Variants in ROBO2 observed in about 807,000 individuals in gnomAD.
ROBO2 encodes the protein roundabout homolog 2.
A neutral mutation model predicts 160.8 loss-of-function variants in ROBO2; 53 were observed. The ratio of observed to expected loss-of-function variants is 0.33; its 90% CI spans 0.26 to 0.41. ROBO2 has a LOEUF of 0.41. Among genes scored for constraint, ROBO2 ranks in the 10% least tolerant of loss-of-function variants. The probability of loss-of-function intolerance (pLI) is 1.00; values close to 1 mark genes in which losing one functional copy is unlikely to be tolerated. For synonymous variants in ROBO2, 664 were observed against 611.7 expected (o/e 1.09, Z -1.26); for missense variants, 1,577 against 1,722.4 (o/e 0.92, Z 1.49).
At chr3:77,648,863 T>A (rs2095430230) in exon 26 of ROBO2, 1 of 152,154 alleles carries the variant, frequency 6.6e-6, no homozygotes, top group African/African-American at 2.4e-5. Flanking sequence ...AATGGAGGCC[T>A]GCATAAGGAC....
chr3:77,233,982 T>C (rs1366006849), intron 2 of ROBO2, among the ~76,000 whole-genome samples: 2 of 152,218 alleles, frequency 1.3e-5, no homozygotes, highest in African/African-American at 2.4e-5. Flanking sequence ...TTGGGATTTA[T>C]AAATATTCCT....
At chr3:77,533,350 G>C (rs1342300265) in intron 6 of ROBO2, among the ~76,000 whole-genome samples, 1 of 152,112 alleles carries the variant, frequency 6.6e-6, no homozygotes, top group Non-Finnish European at 1.5e-5. Flanking sequence ...CACACAATGA[G>C]CAATTTAAAA....
chr3:76,834,153 TTCTC>T (rs1319855161), intron 2 of ROBO2, among the ~76,000 whole-genome samples: 2 of 132,740 alleles, frequency 1.5e-5, no homozygotes, highest in African/African-American at 5.6e-5. Context: ...CTTCCTTTCT[TTCTC>T]TCTCTTTCTT....
chr3:76,588,313 A>G (rs1031694497), intron 2 of ROBO2, among the ~76,000 whole-genome samples: 4 of 152,196 alleles, frequency 2.6e-5, no homozygotes, highest in African/African-American at 9.6e-5. Flanking sequence ...TGAAGAGAAG[A>G]ATCTATTAAA....
chr3:76,967,507 A>G (rs949667191), intron 2 of ROBO2, among the ~76,000 whole-genome samples: 37 of 126,990 alleles, frequency 2.9e-4, no homozygotes, highest in African/African-American at 9.2e-4. Flanking sequence ...GCACCTGGCC[A>G]GCTCTTTTTT....
At chr3:77,046,095 T>A (rs2064637865) in intron 1 of ROBO2, among the ~76,000 whole-genome samples, 1 of 152,226 alleles carries the variant, frequency 6.6e-6, no homozygotes, top group Admixed American at 6.5e-5. Flanking sequence ...TGTGAACATA[T>A]GTCTTCATTT....
chr3:77,126,699 T>G (rs188563757), intron 2 of ROBO2, among the ~76,000 whole-genome samples: 92 of 147,758 alleles, frequency 6.2e-4, no homozygotes, highest in Non-Finnish European at 1.1e-3. Flanking sequence ...TATGGGTGGA[T>G]ATATATATAT....
chr3:77,376,385 T>C (rs904200202), intron 2 of ROBO2, among the ~76,000 whole-genome samples: 47 of 152,128 alleles, frequency 3.1e-4, no homozygotes, highest in African/African-American at 1.1e-3. Flanking sequence ...CTCGAACTCC[T>C]GACCTCAAGT....
intron 2 of ROBO2, among the ~76,000 whole-genome samples, chr3:76,126,100 C>G (rs1007460875): frequency 6.6e-5 from 10 of 152,252 alleles, no homozygotes; most frequent in African/African-American, 2.2e-4. Context: ...AGGCGTGAGC[C>G]ACTGCACCCA....
rs1304716997 is a variant in ROBO2, at chr3:77,515,607, T to G, written c.807-7168T>G. On this transcript the variant is annotated intron_variant, in intron 5 of 25. Transcript: ENST00000461745. Reference sequence around the variant, plus strand: ...TTAACCATTTATTCTTTGAACCCATTAGGAAAAAATTCTGAGAAGCAGCTA... The same window carrying G: ...TTAACCATTTATTCTTTGAACCCATGAGGAAAAAATTCTGAGAAGCAGCTA... 2.0e-5 allele frequency among the ~76,000 whole-genome samples: 3 copies of G among 151,802 alleles called. No individual in the cohort carries two copies. The East Asian group carries it at 5.8e-4, about 30-fold the overall frequency.
At chr3:77,347,830 AC>A (rs2153455918) in intron 2 of ROBO2, among the ~76,000 whole-genome samples, 1 of 151,904 alleles carries the variant, frequency 6.6e-6, no homozygotes, top group Admixed American at 6.6e-5. Flanking sequence ...TGTTAATTTC[AC>A]CTTCTTGCCC....
intron 2 of ROBO2, among the ~76,000 whole-genome samples, chr3:76,049,996 C>A (rs575667994): frequency 2.0e-5 from 3 of 152,292 alleles, no homozygotes; most frequent in Admixed American, 6.5e-5. Flanking sequence ...TAGTTGGTAG[C>A]TGATGCTTGC....
chr3:76,042,466 C>A (rs1010849840), intron 2 of ROBO2, among the ~76,000 whole-genome samples: 2 of 151,900 alleles, frequency 1.3e-5, no homozygotes, highest in Non-Finnish European at 2.9e-5. Context: ...TTTATGTATG[C>A]GATTATTTAC....
chr3:76,987,772 A>G, intron 2 of ROBO2, among the ~76,000 whole-genome samples: 1 of 152,176 alleles, frequency 6.6e-6, no homozygotes, highest in Non-Finnish European at 1.5e-5. Flanking sequence ...TTGTGGATAA[A>G]TAAGCATTTC....
intron 2 of ROBO2, among the ~76,000 whole-genome samples, chr3:76,117,961 C>G (rs1297182928): frequency 6.6e-6 from 1 of 151,490 alleles, no homozygotes; most frequent in Admixed American, 6.6e-5. Context: ...AAACTAGATA[C>G]AGGAAGGGGA....
chr3:76,294,685 T>A (rs1378314398), intron 2 of ROBO2, among the ~76,000 whole-genome samples: 1 of 152,168 alleles, frequency 6.6e-6, no homozygotes, highest in African/African-American at 2.4e-5. Flanking sequence ...TCGAAAATGG[T>A]GTATTATGAC....
intron 2 of ROBO2, among the ~76,000 whole-genome samples, chr3:76,632,031 A>G (rs555415656): frequency 2.0e-4 from 30 of 152,338 alleles, no homozygotes; most frequent in Non-Finnish European, 3.8e-4. Flanking sequence ...GTATTAATTC[A>G]TTCATTTATT....
intron 2 of ROBO2, among the ~76,000 whole-genome samples, chr3:76,835,525 C>T (rs772625444): frequency 2.7e-5 from 4 of 150,466 alleles, no homozygotes; most frequent in African/African-American, 4.9e-5. Flanking sequence ...TATACATACA[C>T]AGTCACAAAC....
chr3:76,615,554 G>A (rs577425061), intron 2 of ROBO2, among the ~76,000 whole-genome samples: 14 of 152,204 alleles, frequency 9.2e-5, no homozygotes, highest in African/African-American at 3.4e-4. Flanking sequence ...GACAAAATAA[G>A]ATAATTGCCC....
Sources: allele counts gnomAD v4.1 joint callset (sites outside exome capture counted in the v4.1 genomes callset), GRCh38; gene constraint gnomAD v4.1.1; transcripts MANE v1.5; gene names NCBI Gene and HGNC (gene_info 2026-07-23, HGNC 2026-07-21).